Variants in APBA2 observed in about 807,000 individuals in gnomAD.
APBA2 encodes the protein amyloid beta precursor protein binding family A member 2.
A neutral mutation model predicts 75.0 loss-of-function variants in APBA2; 30 were observed. That is an observed-to-expected ratio of 0.40 (90% CI 0.30 to 0.54). The LOEUF (loss-of-function observed/expected upper bound fraction) is 0.54, where lower values mean the gene tolerates loss of function less well. Ranked by LOEUF, APBA2 falls within the 20% of genes least tolerant of loss-of-function variation. APBA2 has a pLI of 0.49. For missense variants in APBA2, 801 were observed against 1,016.1 expected, an observed-to-expected ratio of 0.79 and a Z score of 2.88; for synonymous variants, 444 against 409.6, an observed-to-expected ratio of 1.08 and a Z score of -1.01.
At chr15:28,998,849 T>C (rs140750611) in intron 3 of APBA2, among the ~76,000 whole-genome samples, 396 of 152,206 alleles carry the variant, frequency 2.6e-3, no homozygotes, top group Non-Finnish European at 4.0e-3. Context: ...TAAACGGCCA[T>C]AGAATTAAAG....
intron 1 of APBA2, among the ~76,000 whole-genome samples, chr15:28,898,551 G>GC (rs1427339804): frequency 1.3e-5 from 2 of 152,202 alleles, no homozygotes; most frequent in Non-Finnish European, 2.9e-5. Flanking sequence ...AAATCAGGTT[G>GC]CCTTCGGGAG....
chr15:29,069,670 T>C (rs756425296), intron 4 of APBA2, among the ~76,000 whole-genome samples: 6 of 152,236 alleles, frequency 3.9e-5, no homozygotes, highest in African/African-American at 7.2e-5. Flanking sequence ...CACTGGGTTC[T>C]GTCTCCACAT....
At chr15:29,088,725 G>A (rs1049155743) in intron 6 of APBA2, among the ~76,000 whole-genome samples, 12 of 152,148 alleles carry the variant, frequency 7.9e-5, no homozygotes, top group African/African-American at 2.9e-4. Flanking sequence ...AGGAGTGGTT[G>A]GGCCACTTCC....
chr15:29,047,276 T>C (rs2152875735), intron 3 of APBA2, among the ~76,000 whole-genome samples: 1 of 152,272 alleles, frequency 6.6e-6, no homozygotes, highest in South Asian at 2.1e-4. Flanking sequence ...CCCTTACCCT[T>C]TGCACTCATG....
intron 3 of APBA2, among the ~76,000 whole-genome samples, chr15:29,053,594 G>A (rs2041713439): frequency 2.0e-5 from 3 of 152,122 alleles, no homozygotes; most frequent in Non-Finnish European, 4.4e-5. Flanking sequence ...AGAGGCGTGT[G>A]TCCTCGTGAG....
rs193140438 is a variant in APBA2 at position 29,029,869 on chromosome 15, C to T, written c.-40-23976C>T. Among the ~76,000 whole-genome samples the T allele has an allele frequency of 5.8e-3, 889 of 152,214 alleles. 6 individuals are homozygous for T. Among genetic ancestry groups the T allele is most frequent in the African/African-American group, 0.02 (846 of 41,544 alleles). Reference sequence around the variant, plus strand: ...GAGCAGTGGCTTGAGGCTGGGCCTGCGGTGTGAGTTCGGGCACCAGCACGT... The same window carrying T: ...GAGCAGTGGCTTGAGGCTGGGCCTGTGGTGTGAGTTCGGGCACCAGCACGT... On this transcript the variant is annotated intron_variant, in intron 3 of 14. Coordinates refer to ENST00000683413, the MANE Select transcript of APBA2 (RefSeq NM_001353788.2).
chr15:28,972,450 G>C (rs904779949), intron 2 of APBA2, among the ~76,000 whole-genome samples: 36 of 152,148 alleles, frequency 2.4e-4, no homozygotes, highest in African/African-American at 8.2e-4. Flanking sequence ...GGGCCTCCAG[G>C]CAAAAGGACC....
chr15:29,061,007 C>G (rs1309817806), intron 4 of APBA2, among the ~76,000 whole-genome samples: 1 of 152,134 alleles, frequency 6.6e-6, no homozygotes, highest in Admixed American at 6.5e-5. Flanking sequence ...TCCTTGGTGC[C>G]TTCCCTTGAA....
chr15:29,066,501 G>C (rs1025081970), intron 4 of APBA2, among the ~76,000 whole-genome samples: 1 of 152,160 alleles, frequency 6.6e-6, no homozygotes, highest in African/African-American at 2.4e-5. Flanking sequence ...ACCCACAGTA[G>C]TCAGAGTCAT....
intron 3 of APBA2, among the ~76,000 whole-genome samples, chr15:28,997,152 G>A (rs766226100): frequency 2.6e-5 from 4 of 152,322 alleles, no homozygotes; most frequent in Non-Finnish European, 5.9e-5. Flanking sequence ...GCATCCAGTT[G>A]GGGAGCATTC....
intron 1 of APBA2, among the ~76,000 whole-genome samples, chr15:28,910,832 G>T (rs566581107): frequency 6.6e-6 from 1 of 152,246 alleles, no homozygotes; most frequent in South Asian, 2.1e-4. Flanking sequence ...TAGTGTGTCT[G>T]CTTGACATAG....
intron 3 of APBA2, among the ~76,000 whole-genome samples, chr15:29,004,423 T>G (rs1160582944): frequency 6.6e-6 from 1 of 152,222 alleles, no homozygotes; most frequent in Non-Finnish European, 1.5e-5. Context: ...AGTGGCACTC[T>G]CAGTCCTGAA....
At chr15:29,003,071 G>A (rs921088100) in intron 3 of APBA2, among the ~76,000 whole-genome samples, 2 of 152,150 alleles carry the variant, frequency 1.3e-5, no homozygotes, top group African/African-American at 4.8e-5. Flanking sequence ...GGGTGAGGTA[G>A]AAGAGGTGGC....
chr15:29,117,249 G>A lies in APBA2; in HGVS notation c.*116G>A. The A allele has an allele frequency of 1.0e-6, 1 of 964,768 alleles. No homozygotes were observed. Among genetic ancestry groups the A allele is most frequent in the Non-Finnish European group, 1.6e-6 (1 of 608,510 alleles). 59.8% of individuals were successfully genotyped at this position (964,768 alleles called of 1,614,324 possible). On this transcript the variant is annotated 3_prime_UTR_variant, in exon 15 of 15. Coordinates refer to ENST00000683413, the MANE Select transcript of APBA2 (RefSeq NM_001353788.2). ...CGCCACAGCCCAGCCACGGACGCTGGCTCCCCAAAGGGTGTGCCCTCACCA... is the reference window on the plus strand; with the variant it reads ...CGCCACAGCCCAGCCACGGACGCTGACTCCCCAAAGGGTGTGCCCTCACCA...
At chr15:28,915,450 C>CCA (rs1457371738) in intron 1 of APBA2, among the ~76,000 whole-genome samples, 2 of 148,632 alleles carry the variant, frequency 1.3e-5, no homozygotes, top group African/African-American at 5.0e-5. Context: ...CGTATACATA[C>CCA]CACACACACC....
At chr15:28,912,744 G>A (rs1319538911) in intron 1 of APBA2, among the ~76,000 whole-genome samples, 5 of 152,264 alleles carry the variant, frequency 3.3e-5, no homozygotes, top group Non-Finnish European at 7.3e-5. Flanking sequence ...CTGCAGAGAT[G>A]TCAGAGGAGG....
At chr15:29,064,206 A>G (rs902706070) in intron 4 of APBA2, among the ~76,000 whole-genome samples, 1 of 152,076 alleles carries the variant, frequency 6.6e-6, no homozygotes, top group Non-Finnish European at 1.5e-5. Context: ...CCTGTCTCTC[A>G]CCGACTCCAA....
At chr15:28,987,444 G>T (rs1409516205) in intron 2 of APBA2, among the ~76,000 whole-genome samples, 1 of 152,018 alleles carries the variant, frequency 6.6e-6, no homozygotes, top group Non-Finnish European at 1.5e-5. Context: ...CTGTTGGCTG[G>T]CAAGAGGGCT....
intron 3 of APBA2, among the ~76,000 whole-genome samples, chr15:29,017,070 C>T (rs1264883575): frequency 6.6e-6 from 1 of 152,044 alleles, no homozygotes; most frequent in Non-Finnish European, 1.5e-5. Flanking sequence ...CCCGGGTACC[C>T]CTGATTCGGT....
Sources: gnomAD v4.1 joint callset for allele counts (sites outside exome capture counted in the v4.1 genomes callset) on GRCh38, gnomAD v4.1.1 for gene constraint, MANE v1.5 for transcripts, NCBI Gene and HGNC (gene_info 2026-07-23, HGNC 2026-07-21) for gene names.